The following INTS5 variants were observed in gnomAD, a reference collection of about 807,000 sequenced individuals.
The protein encoded by INTS5 is integrator complex subunit 5.
INTS5 carries 29 observed loss-of-function variants against 60.0 expected under a neutral mutation model. The observed-to-expected ratio is 0.48, with a 90% CI of 0.36 to 0.66. The LOEUF (loss-of-function observed/expected upper bound fraction) is 0.66. Ranked by LOEUF, INTS5 falls within the 30% of genes least tolerant of loss-of-function variation. INTS5 has a pLI of 0.00. For missense variants in INTS5, 1,129 were observed against 1,307.9 expected (o/e 0.86, Z 2.11); for synonymous variants, 588 against 558.8 (o/e 1.05, Z -0.74).
intron 1 of INTS5, among the ~76,000 whole-genome samples, chr11:62,652,366 A>C (rs886219873): frequency 6.7e-6 from 1 of 148,412 alleles, no homozygotes; most frequent in South Asian, 2.1e-4. Context: ...ACCTTCTACC[A>C]CCACCCCCGC....
Position 62,648,263 on chromosome 11 carries a change from T to C in INTS5, c.1817A>G (p.His606Arg). The stretch of plus-strand genomic sequence containing the variant: ...CAGGAGAGGAGCCAGGTCAGACAGA[T>C]GGGCTGAGGCAGATTCCCCAAAGTG... ...GAHFGESASA[H>R]LSDLAPLLLH... Residue 606 changes from histidine to arginine, a missense_variant, in exon 2 of 2, where the codon CAT becomes CGT. This residue lies in a region of INTS5 where 1,070 missense variants were observed against 1,246.1 expected (regional missense o/e 0.86). Coordinates refer to ENST00000330574, the MANE Select transcript of INTS5 (RefSeq NM_030628.2). This position sits in a 1 kb window ranked among gnomAD's most constrained non-coding sequence, Gnocchi z 4.4. The C allele has an allele frequency of 6.2e-7, 1 of 1,613,816 alleles. No individual in the cohort carries two copies. Among genetic ancestry groups the C allele is most frequent in the South Asian group, 1.1e-5 (1 of 91,084 alleles).
In INTS5 at chr11:62,649,659, C is replaced by T; in HGVS notation, c.421G>A (p.Ala141Thr). 6.2e-7 allele frequency: 1 copy of T among 1,614,208 alleles called. No individual in the cohort carries two copies. The highest frequency in any genetic ancestry group is 1.1e-5 in the South Asian group (1 of 91,082). The change falls in exon 2 of 2, where the codon GCA becomes ACA. Residue 141 changes from alanine to threonine, a missense_variant. Around this residue, in one of 3 missense-constraint regions of INTS5, gnomAD observed 1,070 missense variants for 1,246.1 expected, o/e 0.86. Transcript: ENST00000330574. The surrounding 1 kb of genome is among the most constrained non-coding windows in gnomAD (Gnocchi z 6.0). Reference sequence around the variant, plus strand: ...ATGGACCATGCACTAATCACAGGTGCCCAGGCCTTTGGGTTGGCCCGGATA... The same window carrying T: ...ATGGACCATGCACTAATCACAGGTGTCCAGGCCTTTGGGTTGGCCCGGATA... ...EFIRANPKAW[A>T]PVISAWSIDL...
chr11:62,648,312 C>T lies in INTS5; in HGVS notation c.1768G>A (p.Glu590Lys), dbSNP rs746459880. Residue 590 changes from glutamate (E) to lysine (K), a missense_variant, in exon 2 of 2, where the codon GAG becomes AAG. Glu to Lys is a moderately conservative substitution (Grantham distance 56, BLOSUM62 1). This residue lies in a region of INTS5 where 1,070 missense variants were observed against 1,246.1 expected (regional missense o/e 0.86). Transcript: ENST00000330574. This position sits in a 1 kb window ranked among gnomAD's most constrained non-coding sequence, Gnocchi z 4.4. The stretch of plus-strand genomic sequence containing the variant: ...TGCGCCCCTAGGGCTGCAGGGCCCT[C>T]GCCACCCTGCTGTTCCCACCCTACT... ...LLVGWEQQGG[E>K]GPAALGAHFG... The T allele has an allele frequency of 2.0e-5, 33 of 1,613,752 alleles. No individual in the cohort carries two copies. Among genetic ancestry groups the T allele is most frequent in the African/African-American group, 1.1e-4 (8 of 74,944 alleles).
intron 1 of INTS5, among the ~76,000 whole-genome samples, chr11:62,651,642 G>A (rs1159446701): frequency 6.6e-6 from 1 of 152,032 alleles, no homozygotes; most frequent in Non-Finnish European, 1.5e-5. Context: ...TGGATCGCTT[G>A]AGCGCAAGAG....
Position 62,649,027 on chromosome 11 carries a change from C to A in INTS5, c.1053G>T (p.Leu351Phe). The change falls in exon 2 of 2, where the codon TTG becomes TTT. Residue 351 changes from leucine to phenylalanine, a missense_variant. By Grantham distance (22) the Leu-to-Phe change is conservative. Transcript: ENST00000330574. This position sits in a 1 kb window ranked among gnomAD's most constrained non-coding sequence, Gnocchi z 6.0. ...LLQLAVMSPA[L>F]LGTVSGELVD... ...CAAGCTCTCCAGAGACAGTGCCCAG[C>A]AAAGCTGGTGACATGACTGCCAGCT... 3.7e-6 allele frequency: 6 copies of A among 1,612,818 alleles called. No individual in the cohort carries two copies. Among genetic ancestry groups the A allele is most frequent in the Non-Finnish European group, 5.1e-6 (6 of 1,179,222 alleles).
Position 62,649,747 on chromosome 11 carries a change from G to C in INTS5, c.333C>G (p.Val111=), listed in dbSNP as rs1565120331. ...PHLRPPPPSH[V]PAGGPGLEDV... ...CCTCTAGACCAGGTCCACCAGCAGG[G>C]ACATGAGAGGGTGGAGGTGGACGGA... is the stretch of plus-strand genomic sequence containing the variant. Residue 111 remains valine (V), a synonymous_variant, in exon 2 of 2, where the codon GTC becomes GTG. Coordinates refer to ENST00000330574, the MANE Select transcript of INTS5 (RefSeq NM_030628.2). This position sits in a 1 kb window ranked among gnomAD's most constrained non-coding sequence, Gnocchi z 6.0. 6.2e-7 allele frequency: 1 copy of C among 1,614,222 alleles called. No individual in the cohort carries two copies. The highest frequency in any genetic ancestry group is 1.1e-5 in the South Asian group (1 of 91,086).
chr11:62,652,412 T>C (rs1353178781), intron 1 of INTS5, among the ~76,000 whole-genome samples: 3 of 135,950 alleles, frequency 2.2e-5, no homozygotes, highest in South Asian at 5.1e-4. Context: ...CCTTGAAATC[T>C]CTTAATGGGA....
In INTS5 at chr11:62,646,955, G is replaced by A. The variant is rs1320264360; in HGVS notation, c.*65C>T. 4 of 1,311,636 alleles carry A rather than the reference G, an allele frequency of 3.0e-6. No individual in the cohort carries two copies. In the East Asian group the frequency reaches 7.0e-5, roughly 23 times the overall value. The allele number at this position is 1,311,636 out of a possible 1,614,324, so 81.2% of individuals were successfully genotyped here. A position where few individuals can be genotyped will look rare whatever the true frequency, so the allele number is the denominator to read the frequency against. ...TTAGAAGAGAAACCTCCACCCTTCCGGAGCACGTTAGTCCCTTCCCTCTCT... is the reference window on the plus strand; with the variant it reads ...TTAGAAGAGAAACCTCCACCCTTCCAGAGCACGTTAGTCCCTTCCCTCTCT... On this transcript the variant is annotated 3_prime_UTR_variant, in exon 2 of 2. Transcript: ENST00000330574.
rs745905277 is a variant in INTS5, at chr11:62,648,721, C to T, written c.1359G>A (p.Arg453=). 3 of 1,614,060 alleles carry T rather than the reference C, an allele frequency of 1.9e-6. No homozygotes were observed. The highest frequency in any genetic ancestry group is 2.7e-5 in the African/African-American group (2 of 74,954). ...GCACCCCTTCCCCAGGAGACCCTCC[C>T]CGGTGATGAACCAGTTTTTGCAGGT... is the stretch of plus-strand genomic sequence containing the variant. ...LLHLQKLVHH[R]GGSPGEGVLG... The change falls in exon 2 of 2, where the codon CGG becomes CGA. Residue 453 remains arginine, a synonymous_variant. Coordinates refer to ENST00000330574, the MANE Select transcript of INTS5 (RefSeq NM_030628.2). This position sits in a 1 kb window ranked among gnomAD's most constrained non-coding sequence, Gnocchi z 4.4.
chr11:62,646,975 C>T lies in INTS5; in HGVS notation c.*45G>A. ...CTTCCGGAGCACGTTAGTCCCTTCC[C>T]TCTCTCACTGCTCAACCTCCCTGGG... On this transcript the variant is annotated 3_prime_UTR_variant, in exon 2 of 2. Coordinates refer to ENST00000330574, the MANE Select transcript of INTS5 (RefSeq NM_030628.2). The T allele has an allele frequency of 2.7e-6, 4 of 1,501,778 alleles. No homozygotes were observed. The highest frequency in any genetic ancestry group is 2.3e-5 in the East Asian group (1 of 44,080). The allele number at this position is 1,501,778 out of a possible 1,614,324, so 93.0% of individuals were successfully genotyped here.
chr11:62,649,795 G>C lies in INTS5; in HGVS notation c.285C>G (p.Thr95=), dbSNP rs142715723. ...VRAHLAALDE[T]PVAGPPHLRP... is the part of the protein sequence containing the mutation. ...GGAGGTGAGGTGGACCAGCCACAGG[G>C]GTTTCATCCAGGGCAGCCAGGTGGG... is the stretch of plus-strand genomic sequence containing the variant. Residue 95 remains threonine (T), a synonymous_variant, in exon 2 of 2, where the codon ACC becomes ACG. Transcript: ENST00000330574. This position sits in a 1 kb window ranked among gnomAD's most constrained non-coding sequence, Gnocchi z 6.0. 1.3e-3 allele frequency: 2,161 copies of C among 1,614,152 alleles called. 4 individuals carry two copies. The highest frequency in any genetic ancestry group is 1.6e-3 in the Non-Finnish European group (1,928 of 1,180,014).
In INTS5 at chr11:62,647,238, C is replaced by G. The variant is rs748810202; in HGVS notation, c.2842G>C (p.Gly948Arg). 278 of 1,614,106 alleles carry G rather than the reference C, an allele frequency of 1.7e-4. No individual in the cohort carries two copies. Among genetic ancestry groups the G allele is most frequent in the Non-Finnish European group, 2.3e-4 (270 of 1,180,052 alleles). Residue 948 changes from glycine to arginine, a missense_variant, in exon 2 of 2, where the codon GGT becomes CGT. This residue lies in a region of INTS5 where 1,070 missense variants were observed against 1,246.1 expected (regional missense o/e 0.86). Transcript: ENST00000330574. The part of the protein sequence containing the change: ...EVRLLLLSVW[G>R]FLREHGPLPQ... Reference sequence around the variant, plus strand: ...AAGGGCCCATGCTCCCGGAGAAAACCCCAGACACTGAGCAGCAGCAGACGC... The same window carrying G: ...AAGGGCCCATGCTCCCGGAGAAAACGCCAGACACTGAGCAGCAGCAGACGC...
chr11:62,648,007 C>G lies in INTS5; in HGVS notation c.2073G>C (p.Leu691=). The change falls in exon 2 of 2, where the codon CTG becomes CTC. Residue 691 remains leucine (L), a synonymous_variant. Coordinates refer to ENST00000330574, the MANE Select transcript of INTS5 (RefSeq NM_030628.2). This position sits in a 1 kb window ranked among gnomAD's most constrained non-coding sequence, Gnocchi z 4.4. ...SPAGLKAVLQ[L]LVEGALHRGN... Reference sequence around the variant, plus strand: ...CTCGATGTAAGGCTCCTTCAACCAGCAGCTGCAGGACAGCCTTGAGCCCAG... The same window carrying G: ...CTCGATGTAAGGCTCCTTCAACCAGGAGCTGCAGGACAGCCTTGAGCCCAG... The G allele has an allele frequency of 6.2e-7, 1 of 1,614,206 alleles. No individual in the cohort carries two copies. Among genetic ancestry groups the G allele is most frequent in the South Asian group, 1.1e-5 (1 of 91,092 alleles).
In INTS5 at chr11:62,647,504, T is replaced by C. The variant is rs764550837; in HGVS notation, c.2576A>G (p.Glu859Gly). 1 of 1,609,374 alleles carries C rather than the reference T, an allele frequency of 6.2e-7. No individual in the cohort carries two copies. Among genetic ancestry groups the C allele is most frequent in the Non-Finnish European group, 8.5e-7 (1 of 1,177,366 alleles). ...RRFREQPLLF[E>G]LLKLVAAAPP... ...TGCAGCTGCTACCAGCTTTAACAGC[T>C]CAAAGAGCAGGGGCTGTTCGCGGAA... Residue 859 changes from glutamate (E) to glycine (G), a missense_variant, in exon 2 of 2, where the codon GAG (glutamate) becomes GGG (glycine). Physicochemically the swap from Glu to Gly is moderately conservative, Grantham distance 98. Coordinates refer to ENST00000330574, the MANE Select transcript of INTS5 (RefSeq NM_030628.2).
At chr11:62,650,359 G>A (rs765722727) in intron 1 of INTS5, among the ~76,000 whole-genome samples, 17 of 151,928 alleles carry the variant, frequency 1.1e-4, no homozygotes, top group African/African-American at 1.9e-4. Context: ...CTCATGATCC[G>A]TCCTCCTCGG....
intron 1 of INTS5, 117 bp downstream of exon 1, chr11:62,653,053 C>G: frequency 1.6e-6 from 1 of 642,258 alleles, no homozygotes; most frequent in Non-Finnish European, 2.3e-6. Flanking sequence ...AGGACCTGAC[C>G]AAGAATCTGA....
Position 62,647,118 on chromosome 11 carries a change from G to A in INTS5, c.2962C>T (p.Leu988=). Reference sequence around the variant, plus strand: ...ATGTTGCGGTGGAGGACACTGTGCAGCACAGCCAGATGGGGTCCACCCTCA... The same window carrying A: ...ATGTTGCGGTGGAGGACACTGTGCAACACAGCCAGATGGGGTCCACCCTCA... ...GGEGGPHLAV[L]HSVLHRNIDR... is the part of the protein sequence containing the mutation. The change falls in exon 2 of 2, where the codon CTG becomes TTG. Residue 988 remains leucine (L), a synonymous_variant. Coordinates refer to ENST00000330574, the MANE Select transcript of INTS5 (RefSeq NM_030628.2). 1.2e-6 allele frequency: 2 copies of A among 1,614,164 alleles called. No homozygotes were observed. Among genetic ancestry groups the A allele is most frequent in the Non-Finnish European group, 1.7e-6 (2 of 1,180,030 alleles).
rs1358519489 is a variant in INTS5, at chr11:62,648,526, G to C, written c.1554C>G (p.Ala518=). 1.2e-6 allele frequency: 2 copies of C among 1,614,078 alleles called. No individual in the cohort carries two copies. Among genetic ancestry groups the C allele is most frequent in the East Asian group, 4.5e-5 (2 of 44,898 alleles). ...VYTRPSCGPE[A]LGHLLSRARS... is the part of the protein sequence containing the mutation. ...GGGCTCGGCTCAGCAGATGGCCCAA[G>C]GCCTCAGGTCCACAGCTAGGCCGGG... is the stretch of plus-strand genomic sequence containing the variant. Residue 518 remains alanine (A), a synonymous_variant, in exon 2 of 2, where the codon GCC becomes GCG. Transcript: ENST00000330574. This position sits in a 1 kb window ranked among gnomAD's most constrained non-coding sequence, Gnocchi z 4.4.
chr11:62,651,857 A>G (rs938648196), intron 1 of INTS5, among the ~76,000 whole-genome samples: 20 of 152,282 alleles, frequency 1.3e-4, no homozygotes, highest in South Asian at 4.1e-4. Flanking sequence ...GTCAAAAAAA[A>G]GAACGAAATC....
Sources: allele counts gnomAD v4.1 joint callset (sites outside exome capture counted in the v4.1 genomes callset), GRCh38; gene constraint gnomAD v4.1.1; regional missense constraint gnomAD v4.1.1; non-coding constraint Gnocchi (gnomAD v3.1); transcripts MANE v1.5; gene names NCBI Gene and HGNC (gene_info 2026-07-23, HGNC 2026-07-21).